FLYWCH1: variants seen among roughly 807,000 people sequenced by gnomAD.
The protein encoded by FLYWCH1 is FLYWCH-type zinc finger-containing protein 1.
FLYWCH1 carries 75 observed loss-of-function variants against 66.4 expected under a neutral mutation model. The observed-to-expected ratio is 1.13, with a 90% CI of 0.94 to 1.37. FLYWCH1 has a LOEUF of 1.37. Among genes scored for constraint, FLYWCH1 ranks in the 40% most tolerant of loss-of-function variants. FLYWCH1 has a pLI of 0.00. For missense variants in FLYWCH1, 1,334 were observed against 1,001.8 expected (o/e 1.33, Z -4.48); for synonymous variants, 595 against 429.9 (o/e 1.38, Z -4.75).
chr16:2,935,394 C>T (rs11648727), intron 6 of FLYWCH1: 6,889 of 152,388 alleles, frequency 0.045, 240 homozygotes, highest in Middle Eastern at 0.099. Context: ...CATCCACAAC[C>T]GCAGGTTGCT....
At chr16:2,918,336 A>G (rs1264449075) in intron 2 of FLYWCH1, among the ~76,000 whole-genome samples, 1 of 151,056 alleles carries the variant, frequency 6.6e-6, no homozygotes, top group African/African-American at 2.4e-5. Context: ...TTTAGTAGAG[A>G]CGGGGTTTCA....
At chr16:2,936,190 C>T (rs1021070190) in intron 6 of FLYWCH1, 29 of 337,422 alleles carry the variant, frequency 8.6e-5, no homozygotes, top group South Asian at 5.6e-4. Context: ...GGATTACAGG[C>T]GTGAGCCACC....
chr16:2,912,848 A>T (rs2070038191), intron 1 of FLYWCH1, among the ~76,000 whole-genome samples: 1 of 151,888 alleles, frequency 6.6e-6, no homozygotes, highest in African/African-American at 2.4e-5. Flanking sequence ...TGGAAGCTGA[A>T]CTCCCATAGT....
At chr16:2,945,862 T>C (rs1186145056) in intron 9 of FLYWCH1, among the ~76,000 whole-genome samples, 5 of 151,852 alleles carry the variant, frequency 3.3e-5, no homozygotes, top group Admixed American at 2.0e-4. Context: ...CCGAGCGTGG[T>C]GGCAGGTGCC....
chr16:2,948,823 C>T lies in FLYWCH1; in HGVS notation c.*96C>T, dbSNP rs776611192. 3 of 1,120,210 alleles carry T rather than the reference C, an allele frequency of 2.7e-6. No homozygotes were observed. The highest frequency in any genetic ancestry group is 2.5e-5 in the South Asian group (2 of 79,026). The allele number at this position is 1,120,210 out of a possible 1,614,324, so 69.4% of individuals were successfully genotyped here. ...CCACCTAGGTTTGGCTTAGCAGAAA[C>T]TTCTTTTCATTCTTCCAAAGCATCG... On this transcript the variant is annotated 3_prime_UTR_variant, in exon 10 of 10. Transcript: ENST00000253928.
At chr16:2,913,556 G>T (rs2070062572) in intron 1 of FLYWCH1, among the ~76,000 whole-genome samples, 1 of 152,180 alleles carries the variant, frequency 6.6e-6, no homozygotes, top group African/African-American at 2.4e-5. Context: ...GTGGGATCTG[G>T]CAGGTAGAGA....
At position 2,938,389 on chromosome 16, in the gene FLYWCH1, C is replaced by T; in HGVS notation, c.1983C>T (p.Asp661=). ...MVMRSHCHQP[D]LAGLEALRQR... is the part of the protein sequence containing the mutation. ...TGCGCAGCCACTGCCATCAGCCTGA[C>T]CTGGCAGGCCTGGAGGCCTTGAGGC... is the stretch of plus-strand genomic sequence containing the variant. Residue 661 remains aspartate, a synonymous_variant, in exon 8 of 10, where the codon GAC becomes GAT. Coordinates refer to ENST00000253928, the MANE Select transcript of FLYWCH1 (RefSeq NM_001308068.2). The T allele has an allele frequency of 6.4e-7, 1 of 1,564,452 alleles. No individual in the cohort carries two copies. Among genetic ancestry groups the T allele is most frequent in the Non-Finnish European group, 8.7e-7 (1 of 1,154,014 alleles).
chr16:2,926,503 G>T (rs937965344), intron 2 of FLYWCH1, among the ~76,000 whole-genome samples: 1 of 152,122 alleles, frequency 6.6e-6, no homozygotes, highest in Non-Finnish European at 1.5e-5. Context: ...GTAATCGCTC[G>T]GTCAATGCAA....
intron 4 of FLYWCH1, among the ~76,000 whole-genome samples, chr16:2,931,386 G>C (rs2070758192): frequency 1.3e-5 from 2 of 151,936 alleles, no homozygotes; most frequent in African/African-American, 4.8e-5. Flanking sequence ...CACTTTGGGA[G>C]GCTGGGGCAG....
intron 2 of FLYWCH1, among the ~76,000 whole-genome samples, chr16:2,921,605 T>C (rs2070378137): frequency 6.6e-6 from 1 of 151,968 alleles, no homozygotes; most frequent in Admixed American, 6.6e-5. Flanking sequence ...CTACAAAGAA[T>C]ACAGAAATTA....
intron 9 of FLYWCH1, among the ~76,000 whole-genome samples, chr16:2,948,214 C>T (rs965228388): frequency 3.9e-5 from 6 of 151,928 alleles, no homozygotes; most frequent in Admixed American, 2.0e-4. Flanking sequence ...GTGTGTGTCA[C>T]GAAGCAACCT....
At chr16:2,927,152 G>A (rs2070596237) in intron 2 of FLYWCH1, among the ~76,000 whole-genome samples, 1 of 152,178 alleles carries the variant, frequency 6.6e-6, no homozygotes, top group African/African-American at 2.4e-5. Context: ...CCATGGCGGT[G>A]GTGTTTAATA....
At chr16:2,947,870 C>CA (rs981908005) in intron 9 of FLYWCH1, among the ~76,000 whole-genome samples, 111 of 150,856 alleles carry the variant, frequency 7.4e-4, no homozygotes, top group African/African-American at 2.2e-3. Flanking sequence ...CCCATCTCTA[C>CA]AAAAAAAAAT....
rs925724432 is a variant in FLYWCH1 at position 2,938,595 on chromosome 16, A to T, written c.2050+139A>T. The T allele has an allele frequency of 2.5e-5, 18 of 719,010 alleles. No individual in the cohort carries two copies. In the African/African-American group the frequency reaches 3.4e-4, roughly 14 times the overall value. 44.5% of individuals were successfully genotyped at this position (719,010 alleles called of 1,614,324 possible). On this transcript the variant is annotated intron_variant, in intron 8 of 9. Coordinates refer to ENST00000253928, the MANE Select transcript of FLYWCH1 (RefSeq NM_001308068.2). The stretch of plus-strand genomic sequence containing the variant: ...AAATTATTCATATAAACAGAATGTG[A>T]AACCAGTCTTTGTTTTTTTTTTTTT...
chr16:2,931,305 T>TAAAAA (rs150704073), intron 4 of FLYWCH1, among the ~76,000 whole-genome samples: 3 of 87,468 alleles, frequency 3.4e-5, no homozygotes, highest in African/African-American at 4.8e-5. Context: ...TCCATCTCAG[T>TAAAAA]AAAAAAAAAA....
At chr16:2,936,458 C>A (rs74005531) in intron 6 of FLYWCH1, 5,826 of 447,410 alleles carry the variant, frequency 0.013, 274 homozygotes, top group African/African-American at 0.11. Flanking sequence ...TCCCGCCCCC[C>A]GCTGGCCTCT....
chr16:2,941,349 C>G (rs913255629), intron 9 of FLYWCH1, among the ~76,000 whole-genome samples: 6 of 152,122 alleles, frequency 3.9e-5, no homozygotes, highest in Non-Finnish European at 1.5e-5. Context: ...TGAAATAAAA[C>G]TTATGGGATG....
At chr16:2,921,701 G>A (rs956735060) in intron 2 of FLYWCH1, among the ~76,000 whole-genome samples, 1 of 152,014 alleles carries the variant, frequency 6.6e-6, no homozygotes, top group Non-Finnish European at 1.5e-5. Context: ...GGCAGAGGCT[G>A]TAGTGATCAC....
intron 9 of FLYWCH1, among the ~76,000 whole-genome samples, chr16:2,942,276 T>G (rs1041665633): frequency 1.3e-5 from 2 of 151,928 alleles, no homozygotes; most frequent in Admixed American, 1.3e-4. Flanking sequence ...CCCTCCTGAG[T>G]AGCTGGGACT....
Sources: gnomAD v4.1 joint callset for allele counts (sites outside exome capture counted in the v4.1 genomes callset) on GRCh38, gnomAD v4.1.1 for gene constraint, MANE v1.5 for transcripts, NCBI Gene and HGNC (gene_info 2026-07-23, HGNC 2026-07-21) for gene names.